The following PLCH2 variants were observed in gnomAD, a reference collection of about 807,000 sequenced individuals.
The protein encoded by PLCH2 is phospholipase C eta 2, also known as 1-phosphatidylinositol 4,5-bisphosphate phosphodiesterase eta-2.
In PLCH2, 98 loss-of-function variants were observed where a neutral mutation model predicts 134.7. That is an observed-to-expected ratio of 0.73 (90% CI 0.62 to 0.86). The LOEUF (loss-of-function observed/expected upper bound fraction) is 0.86. PLCH2 is among the 40% of genes least tolerant of loss of function. The pLI is 0.00. For synonymous variants in PLCH2, 974 were observed against 827.5 expected (o/e 1.18, Z -3.04); for missense variants, 1,994 against 1,986.6 (o/e 1.00, Z -0.07).
In PLCH2 at chr1:2,444,994, C is replaced by T. The variant is rs1639875477; in HGVS notation, c.115+14365C>T. 6.6e-6 allele frequency among the ~76,000 whole-genome samples: 1 copy of T among 152,060 alleles called. No homozygotes were observed. The highest frequency in any genetic ancestry group is 2.1e-4 in the South Asian group (1 of 4,830). Reference sequence around the variant, plus strand: ...GGCCGGGGAGGGGCAAGTCAGAGGGCGGAGGCCACTGTCCTATCTCCTGCT... The same window carrying T: ...GGCCGGGGAGGGGCAAGTCAGAGGGTGGAGGCCACTGTCCTATCTCCTGCT... On this transcript the variant is annotated intron_variant, in intron 2 of 3. Transcript: ENST00000609981. The surrounding 1 kb of genome is among the most constrained non-coding windows in gnomAD (Gnocchi z 4.6).
intron 4 of PLCH2, among the ~76,000 whole-genome samples, chr1:2,482,398 T>C (rs1406276399): frequency 6.6e-6 from 1 of 152,206 alleles, no homozygotes; most frequent in East Asian, 1.9e-4. Flanking sequence ...TGTCCCCTCA[T>C]GGCTGTCCTG....
rs964351053 is a variant in PLCH2 at position 2,448,782 on chromosome 1, G to A, written c.115+18153G>A. 2.9e-4 allele frequency among the ~76,000 whole-genome samples: 44 copies of A among 152,144 alleles called. 1 individual carries two copies. The highest frequency in any genetic ancestry group is 1.0e-3 in the African/African-American group (43 of 41,530). Reference sequence around the variant, plus strand: ...CACCATCCAGTCTCTCCCTGGGTGGGGTCCTGGCTCCACAGGTGACCAAGA... The same window carrying A: ...CACCATCCAGTCTCTCCCTGGGTGGAGTCCTGGCTCCACAGGTGACCAAGA... On this transcript the variant is annotated intron_variant, in intron 2 of 3. Coordinates refer to the PLCH2 transcript ENST00000609981. This position sits in a 1 kb window ranked among gnomAD's most constrained non-coding sequence, Gnocchi z 4.0.
chr1:2,478,772 G>A, intron 2 of PLCH2, 150 bp downstream of exon 2: 1 of 795,962 alleles, frequency 1.3e-6, no homozygotes, highest in Non-Finnish European at 2.0e-6. Flanking sequence ...GATCTGCAGT[G>A]ACCTCGGGCT....
chr1:2,427,121 C>T (rs955339972), intron 1 of PLCH2, among the ~76,000 whole-genome samples: 2 of 152,224 alleles, frequency 1.3e-5, no homozygotes, highest in African/African-American at 2.4e-5. Flanking sequence ...AGCCTGGAGA[C>T]GGAAGTCAGG....
upstream of PLCH2, among the ~76,000 whole-genome samples, chr1:2,472,672 G>A (rs79284614): frequency 1.3e-5 from 2 of 152,170 alleles, no homozygotes; most frequent in African/African-American, 4.8e-5. Flanking sequence ...GCTTCAGAGG[G>A]AGACACGGGT....
upstream of PLCH2, among the ~76,000 whole-genome samples, chr1:2,423,353 A>AT (rs1481889726): frequency 5.9e-5 from 9 of 151,802 alleles, no homozygotes; most frequent in South Asian, 4.2e-4. Flanking sequence ...ACACCCAGCT[A>AT]TTTTTTTTAA....
upstream of PLCH2, among the ~76,000 whole-genome samples, chr1:2,473,010 C>T (rs144385951): frequency 2.1e-3 from 316 of 152,220 alleles, 3 homozygotes; most frequent in African/African-American, 6.5e-3. Flanking sequence ...GCTGAGCCAC[C>T]GCTGGCCCCT....
chr1:2,459,452 C>CCTTGCCGGTGGT lies in PLCH2; in HGVS notation c.116-19021_116-19020insGCCGGTGGTCTT, dbSNP rs1640675388. ...GGTGGTCCTCCTTGCCGGTGGTCCT[C>CCTTGCCGGTGGT]CTTCCTGGTGGTTCTCCTTCCTGGT... On this transcript the variant is annotated intron_variant, in intron 2 of 3. Coordinates refer to the PLCH2 transcript ENST00000609981. 3.0e-5 allele frequency among the ~76,000 whole-genome samples: 2 copies of CCTTGCCGGTGGT among 66,820 alleles called. 1 individual carries two copies. The highest frequency in any genetic ancestry group is 1.5e-3 in the South Asian group (2 of 1,306). 43.8% of individuals were successfully genotyped at this position (66,820 alleles called of 152,430 possible).
chr1:2,467,252 A>T (rs1326170686), upstream of PLCH2, among the ~76,000 whole-genome samples: 1 of 152,156 alleles, frequency 6.6e-6, no homozygotes, highest in African/African-American at 2.4e-5. Context: ...AAGAGCCAGC[A>T]GCCAACCCGC....
intron 2 of PLCH2, among the ~76,000 whole-genome samples, chr1:2,437,629 C>T (rs944205915): frequency 2.6e-5 from 4 of 152,220 alleles, no homozygotes; most frequent in African/African-American, 7.2e-5. Context: ...TAAGCAGGGG[C>T]CATAGCCAGA....
chr1:2,447,967 GGA>G (rs1313880801), intron 2 of PLCH2, among the ~76,000 whole-genome samples: 4 of 152,184 alleles, frequency 2.6e-5, no homozygotes, highest in East Asian at 1.9e-4. Flanking sequence ...TGCGGTACCA[GGA>G]GAGTCAGTGA....
At chr1:2,458,209 C>T (rs983383797) in intron 2 of PLCH2, among the ~76,000 whole-genome samples, 2 of 152,148 alleles carry the variant, frequency 1.3e-5, no homozygotes, top group Admixed American at 6.5e-5. Context: ...CGGGGGGACT[C>T]CTATCAGTCC....
chr1:2,473,722 G>A (rs372188532), upstream of PLCH2, among the ~76,000 whole-genome samples: 30 of 152,348 alleles, frequency 2.0e-4, no homozygotes, highest in East Asian at 1.2e-3. Context: ...GGGATGTCCC[G>A]GGGTCAGGCA....
Position 2,496,832 on chromosome 1 carries a change from G to A in PLCH2, c.1938G>A (p.Ala646=), listed in dbSNP as rs1350986952. 9.9e-6 allele frequency: 16 copies of A among 1,611,764 alleles called. No homozygotes were observed. Among genetic ancestry groups the A allele is most frequent in the East Asian group, 4.5e-5 (2 of 44,866 alleles). ...VATHDIEMEA[A]SSWQVSSFSE... ...GCCCGGTCACCGGCGCCACAGCGGC[G>A]TCCAGCTGGCAGGTGTCGTCCTTCA... Residue 646 remains alanine, a synonymous_variant, in exon 15 of 22, where the codon GCG becomes GCA. Transcript: ENST00000378486.
In PLCH2 at chr1:2,498,704, C is replaced by T. The variant is rs371389565; in HGVS notation, c.2350-40C>T. The T allele has an allele frequency of 2.2e-5, 35 of 1,567,026 alleles. No individual in the cohort carries two copies. Among genetic ancestry groups the T allele is most frequent in the African/African-American group, 1.1e-4 (8 of 74,026 alleles). On this transcript the variant is annotated intron_variant, in intron 17 of 21. Coordinates refer to ENST00000378486, the MANE Select transcript of PLCH2 (RefSeq NM_014638.4). The surrounding 1 kb of genome is among the most constrained non-coding windows in gnomAD (Gnocchi z 5.4). ...TGGGAGTTGGGGGCGGGCCGGGCAT[C>T]GCGATGGGCCCTGATGCCACCCCCA...
At chr1:2,499,774 T>C in intron 20 of PLCH2, 54 bp downstream of exon 20, 1 of 1,352,906 alleles carries the variant, frequency 7.4e-7, no homozygotes. Flanking sequence ...CACCAGCCCC[T>C]TGTCCCATGC....
chr1:2,457,177 G>C (rs540831127), intron 2 of PLCH2, among the ~76,000 whole-genome samples: 1 of 152,004 alleles, frequency 6.6e-6, no homozygotes, highest in Non-Finnish European at 1.5e-5. Flanking sequence ...GCTCTCTCAG[G>C]TGGGCTGAGA....
upstream of PLCH2, among the ~76,000 whole-genome samples, chr1:2,475,953 G>A (rs1374697680): frequency 2.0e-5 from 3 of 152,314 alleles, no homozygotes; most frequent in Non-Finnish European, 4.4e-5. Flanking sequence ...TCATAAGTAG[G>A]GATGCGGGGT....
At chr1:2,424,791 T>A (rs527544626), upstream of PLCH2, among the ~76,000 whole-genome samples, 11 of 152,208 alleles carry the variant, frequency 7.2e-5, no homozygotes, top group South Asian at 1.5e-3. Flanking sequence ...ATCGAGACCA[T>A]CCTGGCTAAC....
Sources: gnomAD v4.1 joint callset for allele counts (sites outside exome capture counted in the v4.1 genomes callset) on GRCh38, gnomAD v4.1.1 for gene constraint, Gnocchi (gnomAD v3.1) non-coding constraint, MANE v1.5 for transcripts, NCBI Gene and HGNC (gene_info 2026-07-23, HGNC 2026-07-21) for gene names.